The following PTPRD variants were observed in gnomAD, a reference collection of about 807,000 sequenced individuals.
PTPRD encodes the protein protein tyrosine phosphatase receptor type D.
PTPRD carries 34 observed loss-of-function variants against 214.5 expected under a neutral mutation model. That is an observed-to-expected ratio of 0.16 (90% confidence interval 0.12 to 0.21). The LOEUF is 0.21. Among genes scored for constraint, PTPRD ranks in the 10% least tolerant of loss-of-function variants. PTPRD has a pLI of 1.00. For missense variants in PTPRD, 2,545 were observed against 2,398.7 expected (o/e 1.06, Z -1.27); for synonymous variants, 1,128 against 845.7 (o/e 1.33, Z -5.79).
At chr9:10,168,840 C>T (rs1055509605) in intron 3 of PTPRD, among the ~76,000 whole-genome samples, 4 of 151,884 alleles carry the variant, frequency 2.6e-5, no homozygotes, top group African/African-American at 7.3e-5. Context: ...CATATATATA[C>T]ACACACACGG....
At chr9:9,834,957 G>C (rs537175567) in intron 5 of PTPRD, among the ~76,000 whole-genome samples, 3 of 151,594 alleles carry the variant, frequency 2.0e-5, no homozygotes, top group African/African-American at 7.2e-5. Context: ...TTCCATCCCA[G>C]ATAAGAGCAG....
intron 2 of PTPRD, among the ~76,000 whole-genome samples, chr9:10,491,040 T>C (rs1203739988): frequency 6.6e-6 from 1 of 152,170 alleles, no homozygotes; most frequent in Admixed American, 6.5e-5. Flanking sequence ...GGTCTTTACA[T>C]TCCCACCAGA....
intron 2 of PTPRD, among the ~76,000 whole-genome samples, chr9:10,440,623 C>A (rs78688749): frequency 0.061 from 9,285 of 151,652 alleles, 429 homozygotes; most frequent in South Asian, 0.11. Flanking sequence ...CAAAAGTAAA[C>A]GTGTTAATGG....
chr9:9,500,134 T>G (rs2096358483), intron 8 of PTPRD, among the ~76,000 whole-genome samples: 1 of 152,134 alleles, frequency 6.6e-6, no homozygotes, highest in Non-Finnish European at 1.5e-5. Context: ...TTCCTAGTAC[T>G]TTTTGAAAAG....
Position 10,374,968 on chromosome 9 carries a change from T to C in PTPRD, c.-599-33951A>G, listed in dbSNP as rs2097699551. Among the ~76,000 whole-genome samples the C allele has an allele frequency of 2.0e-5, 3 of 152,080 alleles. No homozygotes were observed. In the South Asian group the frequency reaches 6.2e-4, roughly 32 times the overall value. ...AGCATGGGATATTTATTTCATATAA[T>C]TGTATTGAACTATGGAAACATAGAA... On this transcript the variant is annotated intron_variant, in intron 2 of 45. Transcript: ENST00000381196.
At chr9:8,865,500 G>T (rs1273287147) in intron 11 of PTPRD, among the ~76,000 whole-genome samples, 1 of 152,100 alleles carries the variant, frequency 6.6e-6, no homozygotes, top group Non-Finnish European at 1.5e-5. Flanking sequence ...TCTTTATAAA[G>T]CCTCCCGTAT....
At chr9:8,475,601 C>A (rs1212216657) in intron 30 of PTPRD, among the ~76,000 whole-genome samples, 1 of 152,138 alleles carries the variant, frequency 6.6e-6, no homozygotes, top group Non-Finnish European at 1.5e-5. Flanking sequence ...AAAGTACCCC[C>A]AATTTACTGT....
At chr9:9,584,123 A>G (rs1324905197) in intron 7 of PTPRD, among the ~76,000 whole-genome samples, 2 of 151,918 alleles carry the variant, frequency 1.3e-5, no homozygotes, top group African/African-American at 2.4e-5. Flanking sequence ...TCCCAAAAAC[A>G]TGCATCAGAA....
intron 3 of PTPRD, among the ~76,000 whole-genome samples, chr9:10,113,012 C>T (rs772537942): frequency 6.6e-6 from 1 of 152,210 alleles, no homozygotes; most frequent in African/African-American, 2.4e-5. Flanking sequence ...GAAGGCTTGA[C>T]TCTGCCAACG....
chr9:9,899,780 C>T (rs185737822), intron 5 of PTPRD, among the ~76,000 whole-genome samples: 1 of 151,544 alleles, frequency 6.6e-6, no homozygotes, highest in South Asian at 2.1e-4. Context: ...TTTACAATAA[C>T]AAAGATATAG....
At chr9:9,050,721 C>T (rs1005132321) in intron 10 of PTPRD, among the ~76,000 whole-genome samples, 5 of 151,928 alleles carry the variant, frequency 3.3e-5, no homozygotes, top group African/African-American at 1.2e-4. Context: ...TAGGTTATTA[C>T]GTTCACTGTT....
intron 9 of PTPRD, among the ~76,000 whole-genome samples, chr9:9,346,128 T>G (rs1392533417): frequency 6.6e-6 from 1 of 152,152 alleles, no homozygotes; most frequent in Non-Finnish European, 1.5e-5. Context: ...GACAAATTCC[T>G]TAATAAAATA....
chr9:9,850,653 A>G (rs2060385756), intron 5 of PTPRD, among the ~76,000 whole-genome samples: 1 of 152,198 alleles, frequency 6.6e-6, no homozygotes, highest in Non-Finnish European at 1.5e-5. Context: ...TAAATTATGT[A>G]TTGTATCACA....
At chr9:9,469,179 A>C (rs1373747577) in intron 8 of PTPRD, among the ~76,000 whole-genome samples, 1 of 152,148 alleles carries the variant, frequency 6.6e-6, no homozygotes, top group Non-Finnish European at 1.5e-5. Flanking sequence ...ATTATGTATA[A>C]GTTGAAATGC....
chr9:9,927,670 T>A lies in PTPRD; in HGVS notation c.-368+10837A>T, dbSNP rs2153901404. Among the ~76,000 whole-genome samples the A allele has an allele frequency of 2.6e-5, 4 of 152,278 alleles. No individual in the cohort carries two copies. The Middle Eastern group carries it at 0.014, about 518-fold the overall frequency. ...TACACCGTGCATCTCCTATGATGGA[T>A]AAATTACAAGTATATTATTAATATC... On this transcript the variant is annotated intron_variant, in intron 5 of 45. Coordinates refer to ENST00000381196, the MANE Select transcript of PTPRD (RefSeq NM_002839.4).
At chr9:8,541,328 G>A (rs2078353802) in intron 14 of PTPRD, among the ~76,000 whole-genome samples, 1 of 152,072 alleles carries the variant, frequency 6.6e-6, no homozygotes, top group Admixed American at 6.6e-5. Flanking sequence ...CTCCCAGGCT[G>A]AAGGGATCCT....
chr9:9,663,678 T>A (rs953690733), intron 7 of PTPRD, among the ~76,000 whole-genome samples: 2 of 151,664 alleles, frequency 1.3e-5, no homozygotes, highest in African/African-American at 4.8e-5. Context: ...CACTAACACC[T>A]GAATTTGATC....
At chr9:9,225,132 C>G (rs2133554322) in intron 9 of PTPRD, among the ~76,000 whole-genome samples, 1 of 152,076 alleles carries the variant, frequency 6.6e-6, no homozygotes. Flanking sequence ...ATAAAAAGTA[C>G]ATAGTTTTAT....
rs1036967666 is a variant in PTPRD, at chr9:9,427,398, A to T, written c.-236-29916T>A. ...AAAAGAAATGAACAAAGCCTCCAAG[A>T]AATATGGGACTATGTGAAAAGACCA... is the stretch of plus-strand genomic sequence containing the variant. On this transcript the variant is annotated intron_variant, in intron 8 of 45. Transcript: ENST00000381196. Among the ~76,000 whole-genome samples, 103 of 152,340 alleles carry T rather than the reference A, an allele frequency of 6.8e-4. 1 individual carries two copies. Among genetic ancestry groups the T allele is most frequent in the African/African-American group, 2.4e-3 (100 of 41,582 alleles).
Sources: gnomAD v4.1 joint callset for allele counts (sites outside exome capture counted in the v4.1 genomes callset) on GRCh38, gnomAD v4.1.1 for gene constraint, MANE v1.5 for transcripts, NCBI Gene and HGNC (gene_info 2026-07-23, HGNC 2026-07-21) for gene names.